The following ZBTB45 variants were observed in gnomAD, a reference collection of about 807,000 sequenced individuals.
The protein encoded by ZBTB45 is zinc finger and BTB domain containing 45.
Under a neutral mutation model 28.4 loss-of-function variants are expected in ZBTB45, and 22 were observed. The observed-to-expected ratio is 0.77, with a 90% CI of 0.55 to 1.10. ZBTB45 has a LOEUF of 1.10. Ranked by LOEUF, ZBTB45 falls within the 50% of genes least tolerant of loss-of-function variation. The pLI is 0.00. For missense variants in ZBTB45, 656 were observed against 750.2 expected, an observed-to-expected ratio of 0.87 and a Z score of 1.47; for synonymous variants, 361 against 332.3, an observed-to-expected ratio of 1.09 and a Z score of -0.94.
At chr19:58,519,092 C>T (rs1260224912) in intron 1 of ZBTB45, 1 of 152,850 alleles carries the variant, frequency 6.5e-6, no homozygotes, top group Non-Finnish European at 1.5e-5. Context: ...CTCGCCTCCC[C>T]TTCTGTTCCC....
In ZBTB45 at chr19:58,514,159, G is replaced by C; in HGVS notation, c.1431C>G (p.His477Gln). 1 of 1,611,198 alleles carries C rather than the reference G, an allele frequency of 6.2e-7. No homozygotes were observed. The highest frequency in any genetic ancestry group is 8.5e-7 in the Non-Finnish European group (1 of 1,179,242). The part of the protein sequence containing the change: ...RFTQKSSLNV[H>Q]MRTHRPERAP... ...CGCGCTCGGGCCGGTGAGTGCGCAT[G>C]TGCACGTTGAGCGAGCTCTTCTGCG... Residue 477 changes from histidine (H) to glutamine (Q), a missense_variant, in exon 3 of 3, where the codon CAC becomes CAG. By Grantham distance (24) the His-to-Gln change is conservative (BLOSUM62 0). Coordinates refer to ENST00000594051, the MANE Select transcript of ZBTB45 (RefSeq NM_001316979.2).
intron 1 of ZBTB45, among the ~76,000 whole-genome samples, chr19:58,530,453 C>T (rs1311840748): frequency 1.3e-5 from 2 of 151,848 alleles, no homozygotes; most frequent in Non-Finnish European, 2.9e-5. Flanking sequence ...ATTACAGGCA[C>T]GTGCCAACAC....
In ZBTB45 at chr19:58,513,709, GC is replaced by G; in HGVS notation, c.*344del. Reference sequence around the variant, plus strand: ...CCTGGGGCAGGCAAGCGGCCCCCCAGCCCCCACCACCACCCCAGGAGAGGGC... The same window carrying G: ...CCTGGGGCAGGCAAGCGGCCCCCCAGCCCCACCACCACCCCAGGAGAGGGC... On this transcript the variant is annotated 3_prime_UTR_variant, in exon 3 of 3. Transcript: ENST00000594051. 1 of 251,242 alleles carries G rather than the reference GC, an allele frequency of 4.0e-6. No individual in the cohort carries two copies. The highest frequency in any genetic ancestry group is 7.5e-6 in the Non-Finnish European group (1 of 132,576). The allele number at this position is 251,242 out of a possible 1,614,324, so 15.6% of individuals were successfully genotyped here.
chr19:58,516,194 A>G lies in ZBTB45; in HGVS notation c.1279+201T>C, dbSNP rs572335807. ...CCAGCCTCAGGATCCCCCTCCACAG[A>G]AGCCAGTGCCTGCTGCTCCACAGAG... On this transcript the variant is annotated intron_variant, in intron 2 of 2. Coordinates refer to ENST00000594051, the MANE Select transcript of ZBTB45 (RefSeq NM_001316979.2). This position sits in a 1 kb window ranked among gnomAD's most constrained non-coding sequence, Gnocchi z 6.2. 1.3e-5 allele frequency among the ~76,000 whole-genome samples: 2 copies of G among 152,170 alleles called. No homozygotes were observed. Among genetic ancestry groups the G allele is most frequent in the African/African-American group, 4.8e-5 (2 of 41,520 alleles).
rs1359833541 is a variant in ZBTB45, at chr19:58,517,002, TTCGCCATCC to T, written c.663_671del (p.Asp222_Glu224del). ...CCTGGCCCTCGCCTGGGCCGCCACC[TTCGCCATCC>T]TCGCCATCGGTCTCATCGTCACTTT... On this transcript the variant is annotated inframe_deletion, in exon 2 of 3. Transcript: ENST00000594051. 4 of 1,613,180 alleles carry T rather than the reference TTCGCCATCC, an allele frequency of 2.5e-6. No individual in the cohort carries two copies. The highest frequency in any genetic ancestry group is 2.5e-6 in the Non-Finnish European group (3 of 1,179,988).
At chr19:58,537,963 G>A (rs2053669449) in intron 1 of ZBTB45, among the ~76,000 whole-genome samples, 1 of 151,952 alleles carries the variant, frequency 6.6e-6, no homozygotes, top group Non-Finnish European at 1.5e-5. Context: ...CCAGCCTCCG[G>A]AGTAGCTGGG....
intron 1 of ZBTB45, 25 bp from the exon 2 acceptor site, chr19:58,517,698 G>A (rs375328911): frequency 2.4e-4 from 391 of 1,598,212 alleles, no homozygotes; most frequent in Non-Finnish European, 3.1e-4. Context: ...AGGAGGGCAG[G>A]GAGAGGTCAA....
chr19:58,526,416 G>A (rs1415931633), intron 1 of ZBTB45, among the ~76,000 whole-genome samples: 1 of 151,500 alleles, frequency 6.6e-6, no homozygotes, highest in Non-Finnish European at 1.5e-5. Context: ...CACCATGTTG[G>A]CCAGGCTAAT....
At position 58,517,767 on chromosome 19, in the gene ZBTB45, G is replaced by A. The variant is rs567669332; in HGVS notation, c.1-94C>T. ...CCCTCACCCCTTGTTGCAGGACAGGGCTCGAGTGCACCACACTCCAAGGCG... is the reference window on the plus strand; with the variant it reads ...CCCTCACCCCTTGTTGCAGGACAGGACTCGAGTGCACCACACTCCAAGGCG... On this transcript the variant is annotated intron_variant, in intron 1 of 2. Coordinates refer to ENST00000594051, the MANE Select transcript of ZBTB45 (RefSeq NM_001316979.2). The A allele has an allele frequency of 2.0e-5, 25 of 1,227,900 alleles. No homozygotes were observed. The African/African-American group carries it at 3.5e-4, about 17-fold the overall frequency. The allele number at this position is 1,227,900 out of a possible 1,614,324, so 76.1% of individuals were successfully genotyped here.
intron 1 of ZBTB45, among the ~76,000 whole-genome samples, chr19:58,537,296 G>T (rs2122602155): frequency 6.6e-6 from 1 of 152,306 alleles, no homozygotes; most frequent in Non-Finnish European, 1.5e-5. Flanking sequence ...AAGGTCTGCT[G>T]CTGGCATTGG....
At chr19:58,528,274 A>T (rs1422120860) in intron 1 of ZBTB45, among the ~76,000 whole-genome samples, 1 of 152,074 alleles carries the variant, frequency 6.6e-6, no homozygotes, top group African/African-American at 2.4e-5. Context: ...CCCTGTCCTT[A>T]CTTGGGACAC....
chr19:58,538,458 T>G (rs2053673022), intron 1 of ZBTB45, among the ~76,000 whole-genome samples: 1 of 151,402 alleles, frequency 6.6e-6, no homozygotes, highest in Non-Finnish European at 1.5e-5. Context: ...AGGCTGGGCG[T>G]GGAGGCGGTG....
chr19:58,525,710 T>A (rs2053603561), intron 1 of ZBTB45, among the ~76,000 whole-genome samples: 1 of 151,964 alleles, frequency 6.6e-6, no homozygotes, highest in Non-Finnish European at 1.5e-5. Context: ...CAAAGGCAGG[T>A]GGGGGCAAGG....
upstream of ZBTB45, among the ~76,000 whole-genome samples, chr19:58,521,381 AAAAG>A (rs1321109625): frequency 5.3e-3 from 694 of 130,838 alleles, 48 homozygotes; most frequent in Middle Eastern, 0.016. Context: ...AAAAAAAAAA[AAAAG>A]AAAGAAAGAA....
At chr19:58,529,628 C>A (rs558230934) in intron 1 of ZBTB45, among the ~76,000 whole-genome samples, 70 of 152,254 alleles carry the variant, frequency 4.6e-4, no homozygotes, top group African/African-American at 1.6e-3. Flanking sequence ...TTAAATTATA[C>A]TTTAAGTTCT....
Position 58,516,932 on chromosome 19 carries a change from C to T in ZBTB45, c.742G>A (p.Ala248Thr), listed in dbSNP as rs775972910. The T allele has an allele frequency of 1.9e-5, 30 of 1,613,188 alleles. No homozygotes were observed. The East Asian group carries it at 6.7e-4, about 36-fold the overall frequency. The change falls in exon 2 of 3, where the codon GCT becomes ACT. Residue 248 changes from alanine (A) to threonine (T), a missense_variant. Coordinates refer to ENST00000594051, the MANE Select transcript of ZBTB45 (RefSeq NM_001316979.2). This position sits in a 1 kb window ranked among gnomAD's most constrained non-coding sequence, Gnocchi z 6.2. Reference sequence around the variant, plus strand: ...GGCTCCTCGCACGCGCTGTCAGCAGCAGCAGTGAGGAAGCCAGCAGCACAG... The same window carrying T: ...GGCTCCTCGCACGCGCTGTCAGCAGTAGCAGTGAGGAAGCCAGCAGCACAG... ...PDCAAGFLTA[A>T]ADSACEEPPA...
chr19:58,518,585 G>A (rs2053545371), intron 1 of ZBTB45, among the ~76,000 whole-genome samples: 1 of 152,068 alleles, frequency 6.6e-6, no homozygotes, highest in Non-Finnish European at 1.5e-5. Flanking sequence ...AGTAATCGGG[G>A]ACACGGCCCA....
Position 58,517,157 on chromosome 19 carries a change from G to A in ZBTB45, c.517C>T (p.Gln173Ter). The change falls in exon 2 of 3, where the codon CAG becomes TAG. Residue 173 changes from glutamine to a stop codon, truncating the protein, a stop_gained. Transcript: ENST00000594051. LOFTEE classifies it high-confidence loss of function. ...AGCTGCAAACGCGCGGGCTGGCGCT[G>A]CTTACGGCTGTGTGCAGCACCGGGG... ...GHPGAAHSRK[Q>*]RQPARLQLPA... 1 of 1,611,540 alleles carries A rather than the reference G, an allele frequency of 6.2e-7. No homozygotes were observed.
At chr19:58,518,967 C>G (rs2053550623) in intron 1 of ZBTB45, 1 of 152,602 alleles carries the variant, frequency 6.6e-6, no homozygotes, top group African/African-American at 2.4e-5. Flanking sequence ...CTCAGCCAGA[C>G]GCCTCCCTTT....
Sources: gnomAD v4.1 joint callset for allele counts (sites outside exome capture counted in the v4.1 genomes callset) on GRCh38, gnomAD v4.1.1 for gene constraint, Gnocchi (gnomAD v3.1) non-coding constraint, MANE v1.5 for transcripts, NCBI Gene and HGNC (gene_info 2026-07-23, HGNC 2026-07-21) for gene names.